EYA1: variants seen among roughly 807,000 people sequenced by gnomAD.
EYA1 encodes the protein EYA transcriptional coactivator and phosphatase 1, also known as protein phosphatase EYA1.
A neutral mutation model predicts 82.0 loss-of-function variants in EYA1; 16 were observed. The observed-to-expected ratio is 0.20, with a 90% CI of 0.13 to 0.30. The LOEUF is 0.30. Ranked by LOEUF, EYA1 falls within the 10% of genes least tolerant of loss-of-function variation. The pLI, the probability that EYA1 is intolerant of heterozygous loss-of-function variation, is 1.00. For missense variants in EYA1, 633 were observed against 730.7 expected, an observed-to-expected ratio of 0.87 and a Z score of 1.54; for synonymous variants, 261 against 264.4, an observed-to-expected ratio of 0.99 and a Z score of 0.12.
chr8:71,249,038 T>C (rs2128912547), intron 11 of EYA1, among the ~76,000 whole-genome samples: 1 of 152,344 alleles, frequency 6.6e-6, no homozygotes, highest in East Asian at 1.9e-4. Flanking sequence ...TTTTTTGTTA[T>C]ATCACTTTCA....
chr8:71,440,139 AATGGAGGTGTG>A (rs1256850748), intron 2 of EYA1, among the ~76,000 whole-genome samples: 1 of 152,180 alleles, frequency 6.6e-6, no homozygotes, highest in Non-Finnish European at 1.5e-5. Flanking sequence ...CTATGAAAAT[AATGGAGGTGTG>A]ACGCAACACA....
intron 2 of EYA1, among the ~76,000 whole-genome samples, chr8:71,501,609 A>G (rs1563679256): frequency 1.3e-5 from 2 of 152,234 alleles, no homozygotes; most frequent in East Asian, 1.9e-4. Context: ...GTCTTAGCTC[A>G]TGCATGCTGG....
At chr8:71,486,076 C>T (rs915989513) in intron 2 of EYA1, among the ~76,000 whole-genome samples, 13 of 152,208 alleles carry the variant, frequency 8.5e-5, no homozygotes, top group African/African-American at 2.9e-4. Context: ...TTGAAGGGTG[C>T]GGCAGAATCA....
At chr8:71,384,407 G>A (rs1353337090) in intron 2 of EYA1, among the ~76,000 whole-genome samples, 2 of 152,074 alleles carry the variant, frequency 1.3e-5, no homozygotes, top group African/African-American at 2.4e-5. Context: ...TATCTCAGAT[G>A]GGGCCTGACC....
In EYA1 at chr8:71,331,328, CA is replaced by C. The variant is rs1333439267; in HGVS notation, c.202+2768del. 8.0e-5 allele frequency among the ~76,000 whole-genome samples: 12 copies of C among 149,474 alleles called. 1 individual carries two copies. The highest frequency in any genetic ancestry group is 3.5e-3 in the Middle Eastern group (1 of 286). On this transcript the variant is annotated intron_variant, in intron 4 of 17. Transcript: ENST00000340726. ...TATTTCTATGTGTATTTCTTAAAAA[CA>C]AAGAATTCTTTTACCACAGTACAGT...
intron 12 of EYA1, among the ~76,000 whole-genome samples, chr8:71,235,017 G>A (rs565987249): frequency 1.9e-4 from 29 of 152,086 alleles, no homozygotes; most frequent in South Asian, 1.0e-3. Context: ...CCCCACCTAC[G>A]TCTGATCCAT....
intron 12 of EYA1, among the ~76,000 whole-genome samples, chr8:71,226,668 A>G (rs1237507442): frequency 6.7e-6 from 1 of 149,236 alleles, no homozygotes; most frequent in African/African-American, 2.5e-5. Flanking sequence ...TTAGTGACTC[A>G]GTGTTGAACA....
At chr8:71,364,080 A>G (rs941454234), upstream of EYA1, among the ~76,000 whole-genome samples, 3 of 151,930 alleles carry the variant, frequency 2.0e-5, no homozygotes, top group Non-Finnish European at 4.4e-5. Flanking sequence ...ATATAACCAA[A>G]TGAAATATTA....
chr8:71,256,430 C>A (rs962915620), intron 11 of EYA1, among the ~76,000 whole-genome samples: 1 of 152,052 alleles, frequency 6.6e-6, no homozygotes, highest in Non-Finnish European at 1.5e-5. Context: ...AGGACCTTGT[C>A]CTGAGTGAAA....
In EYA1 at chr8:71,515,163, A is replaced by C. The variant is rs1812880601; in HGVS notation, c.33+20581T>G. On this transcript the variant is annotated intron_variant, in intron 2 of 18. Coordinates refer to the EYA1 transcript ENST00000643681. ...GACCAGTGTTAGTTGAGTAGCTACC[A>C]TATGTCAAGCACTGTCTCATGTATT... Among the ~76,000 whole-genome samples, 2 of 152,138 alleles carry C rather than the reference A, an allele frequency of 1.3e-5. 1 individual carries two copies. Among genetic ancestry groups the C allele is most frequent in the South Asian group, 4.1e-4 (2 of 4,832 alleles).
intron 2 of EYA1, among the ~76,000 whole-genome samples, chr8:71,376,023 G>A (rs1212740108): frequency 6.6e-6 from 1 of 152,154 alleles, no homozygotes; most frequent in Admixed American, 6.5e-5. Context: ...CCTATGTATG[G>A]TGCATGTGTA....
intron 2 of EYA1, among the ~76,000 whole-genome samples, chr8:71,480,220 A>G (rs1388597886): frequency 6.6e-6 from 1 of 152,224 alleles, no homozygotes; most frequent in Non-Finnish European, 1.5e-5. Context: ...AGAAAACTCA[A>G]GACCATTTAA....
intron 2 of EYA1, among the ~76,000 whole-genome samples, chr8:71,397,519 A>T (rs1829699431): frequency 1.3e-5 from 2 of 152,192 alleles, no homozygotes; most frequent in African/African-American, 4.8e-5. Flanking sequence ...ATTTGTCTGT[A>T]AAAGATTTTA....
At chr8:71,269,710 A>T in intron 11 of EYA1, 30 bp downstream of exon 11, 1 of 1,538,274 alleles carries the variant, frequency 6.5e-7, no homozygotes, top group Non-Finnish European at 9.0e-7. Context: ...ACTCCAAAGA[A>T]ATTAAAAACT....
chr8:71,257,116 A>G (rs1814534143), intron 11 of EYA1, among the ~76,000 whole-genome samples: 2 of 152,170 alleles, frequency 1.3e-5, no homozygotes, highest in African/African-American at 4.8e-5. Context: ...ACTATTTATT[A>G]CTTCTATTCT....
intron 2 of EYA1, among the ~76,000 whole-genome samples, chr8:71,507,793 A>G (rs1402060291): frequency 6.6e-6 from 1 of 152,230 alleles, no homozygotes; most frequent in Admixed American, 6.5e-5. Flanking sequence ...AGAGAAAAGG[A>G]ATAAGAATAT....
intron 2 of EYA1, among the ~76,000 whole-genome samples, chr8:71,502,759 G>T (rs1313515058): frequency 1.3e-5 from 2 of 152,156 alleles, no homozygotes; most frequent in Non-Finnish European, 2.9e-5. Flanking sequence ...TAACAGCCTT[G>T]ACTACCACCC....
In EYA1 at chr8:71,452,231, C is replaced by T. The variant is rs148388790; in HGVS notation, c.33+83513G>A. ...GCGGCAAGGCTGGGGAAGGGGCGCC[C>T]GCCATTGCTGAGGCTTGAGTAGGTA... On this transcript the variant is annotated intron_variant, in intron 2 of 18. Transcript: ENST00000643681. Among the ~76,000 whole-genome samples, 145 of 152,262 alleles carry T rather than the reference C, an allele frequency of 9.5e-4. 1 individual carries two copies. The highest frequency in any genetic ancestry group is 2.3e-3 in the South Asian group (11 of 4,818).
chr8:71,199,716 C>T (rs1025207054), intron 17 of EYA1, among the ~76,000 whole-genome samples: 1 of 152,204 alleles, frequency 6.6e-6, no homozygotes. Context: ...AATAAAAGAA[C>T]GTTGCCAAAT....
Sources: gnomAD v4.1 joint callset for allele counts (sites outside exome capture counted in the v4.1 genomes callset) on GRCh38, gnomAD v4.1.1 for gene constraint, MANE v1.5 for transcripts, NCBI Gene and HGNC (gene_info 2026-07-23, HGNC 2026-07-21) for gene names.